The following PC variants were observed in gnomAD, a reference collection of about 807,000 sequenced individuals.
The protein encoded by PC is pyruvate carboxylase.
Under a neutral mutation model 107.8 loss-of-function variants are expected in PC, and 46 were observed. The ratio of observed to expected loss-of-function variants is 0.43; its 90% CI spans 0.34 to 0.55. The LOEUF (loss-of-function observed/expected upper bound fraction) is 0.55. PC is among the 20% of genes least tolerant of loss of function. PC has a pLI of 0.04. For missense variants in PC, 1,241 were observed against 1,643.1 expected, an observed-to-expected ratio of 0.76 and a Z score of 4.23; for synonymous variants, 662 against 684.7, an observed-to-expected ratio of 0.97 and a Z score of 0.52.
rs755125899 is a variant in PC at position 66,866,383 on chromosome 11, G to C, written c.1023-34C>G. On this transcript the variant is annotated intron_variant, in intron 10 of 22. Coordinates refer to ENST00000393960, the MANE Select transcript of PC (RefSeq NM_001040716.2). This position sits in a 1 kb window ranked among gnomAD's most constrained non-coding sequence, Gnocchi z 5.4. Reference sequence around the variant, plus strand: ...CATTGGGGGGAGGGGGGAAAGGACGGGAGAAAGGGGGAAACATGAGGCGGG... The same window carrying C: ...CATTGGGGGGAGGGGGGAAAGGACGCGAGAAAGGGGGAAACATGAGGCGGG... The C allele has an allele frequency of 6.5e-6, 10 of 1,541,124 alleles. No individual in the cohort carries two copies. The highest frequency in any genetic ancestry group is 8.9e-6 in the Non-Finnish European group (10 of 1,121,504).
chr11:66,860,824 C>T (rs549815933), intron 12 of PC, among the ~76,000 whole-genome samples: 64 of 152,300 alleles, frequency 4.2e-4, no homozygotes, highest in African/African-American at 8.9e-4. Context: ...GTCTGCGGGG[C>T]GGACACAGGA....
intron 3 of PC, among the ~76,000 whole-genome samples, chr11:66,908,591 G>A (rs533297584): frequency 6.6e-6 from 1 of 152,210 alleles, no homozygotes; most frequent in African/African-American, 2.4e-5. Flanking sequence ...ACCAGGCTGA[G>A]CTCTGACCAG....
At chr11:66,868,611 C>T (rs369914127) in intron 10 of PC, among the ~76,000 whole-genome samples, 23 of 152,326 alleles carry the variant, frequency 1.5e-4, no homozygotes, top group African/African-American at 5.3e-4. Flanking sequence ...AGCGTCCTGA[C>T]AGAGAGGAGG....
chr11:66,885,896 AC>A (rs545160671), intron 3 of PC, among the ~76,000 whole-genome samples: 33 of 152,338 alleles, frequency 2.2e-4, no homozygotes, highest in African/African-American at 7.9e-4. Context: ...CAGGTTGCCT[AC>A]AAATAACCAG....
intron 3 of PC, among the ~76,000 whole-genome samples, chr11:66,910,817 A>G (rs769166115): frequency 2.6e-5 from 4 of 152,214 alleles, no homozygotes; most frequent in Non-Finnish European, 4.4e-5. Flanking sequence ...ACAGTCTCAC[A>G]GTGTCCCAGA....
At chr11:66,913,662 CAA>C (rs11345088) in intron 3 of PC, among the ~76,000 whole-genome samples, 482 of 128,934 alleles carry the variant, frequency 3.7e-3, no homozygotes, top group Middle Eastern at 7.6e-3. Flanking sequence ...AACTCTGTCT[CAA>C]AAAAAAAAAA....
intron 3 of PC, among the ~76,000 whole-genome samples, chr11:66,902,174 TC>T (rs1271399179): frequency 6.6e-6 from 1 of 152,200 alleles, no homozygotes; most frequent in African/African-American, 2.4e-5. Flanking sequence ...CTGTTTTCTC[TC>T]CCTATTCGTG....
intron 3 of PC, among the ~76,000 whole-genome samples, chr11:66,931,133 C>G (rs1948836904): frequency 6.6e-6 from 1 of 152,082 alleles, no homozygotes. Context: ...CATCCCAGCA[C>G]TTTGGGAGGC....
At chr11:66,909,934 G>T (rs1305836961) in intron 3 of PC, among the ~76,000 whole-genome samples, 1 of 152,128 alleles carries the variant, frequency 6.6e-6, no homozygotes, top group Non-Finnish European at 1.5e-5. Context: ...GGACGCAGGG[G>T]CCTGACCACT....
Position 66,849,004 on chromosome 11 carries a change from C to T in PC, c.3432G>A (p.Lys1144=), listed in dbSNP as rs1212701604. The T allele has an allele frequency of 6.2e-7, 1 of 1,614,124 alleles. No homozygotes were observed. The highest frequency in any genetic ancestry group is 8.5e-7 in the Non-Finnish European group (1 of 1,180,044). ...TGGGTGAGGTCACCACAGTCTCCATCTTCATGGCACTGAGCACACACAGGG... is the reference window on the plus strand; with the variant it reads ...TGGGTGAGGTCACCACAGTCTCCATTTTCATGGCACTGAGCACACACAGGG... ...GQPLCVLSAM[K]METVVTSPME... The change falls in exon 23 of 23, where the codon AAG becomes AAA. Residue 1144 remains lysine, a synonymous_variant. Coordinates refer to ENST00000393960, the MANE Select transcript of PC (RefSeq NM_001040716.2).
intron 3 of PC, among the ~76,000 whole-genome samples, chr11:66,933,045 C>T (rs923383775): frequency 3.3e-5 from 5 of 152,204 alleles, no homozygotes; most frequent in African/African-American, 7.2e-5. Context: ...AACTCTAACA[C>T]CTACAAATAC....
In PC at chr11:66,850,925, TG is replaced by T. The variant is rs1292656088; in HGVS notation, c.2224-3del. 1 of 1,607,910 alleles carries T rather than the reference TG, an allele frequency of 6.2e-7. No individual in the cohort carries two copies. The highest frequency in any genetic ancestry group is 1.7e-5 in the Admixed American group (1 of 59,996). On this transcript the variant is annotated splice_polypyrimidine_tract_variant and splice_region_variant and intron_variant, in intron 17 of 22. Transcript: ENST00000393960. Reference sequence around the variant, plus strand: ...GGGCTTCAGCAGCCCGGCCATGTCCTGGGGGAAGTGGGAGAGAGAGAGAGAG... The same window carrying T: ...GGGCTTCAGCAGCCCGGCCATGTCCTGGGGAAGTGGGAGAGAGAGAGAGAG...
chr11:66,850,552 G>A, intron 18 of PC, 88 bp from the exon 19 acceptor site: 1 of 1,606,276 alleles, frequency 6.2e-7, no homozygotes, highest in Non-Finnish European at 8.5e-7. Flanking sequence ...GTCTGACTCA[G>A]GTGACAGAAG....
chr11:66,895,421 G>A (rs1947720428), intron 3 of PC, among the ~76,000 whole-genome samples: 1 of 152,178 alleles, frequency 6.6e-6, no homozygotes, highest in African/African-American at 2.4e-5. Context: ...ATTCAAAGAG[G>A]ATGGAGACCA....
intron 3 of PC, among the ~76,000 whole-genome samples, chr11:66,904,776 T>C (rs187418400): frequency 4.6e-5 from 7 of 152,338 alleles, no homozygotes; most frequent in African/African-American, 1.7e-4. Context: ...GCTGCTGTGA[T>C]TCTGTGGGAA....
chr11:66,939,100 C>G (rs1036274668), intron 3 of PC, among the ~76,000 whole-genome samples: 3 of 152,200 alleles, frequency 2.0e-5, no homozygotes, highest in African/African-American at 7.2e-5. Context: ...ACTATATGGT[C>G]AGCCCTCTGT....
intron 12 of PC, among the ~76,000 whole-genome samples, chr11:66,856,459 C>T (rs1025634741): frequency 6.6e-5 from 10 of 152,128 alleles, no homozygotes; most frequent in Admixed American, 1.3e-4. Flanking sequence ...CAAGCCCTCT[C>T]GGCCCCACCC....
In PC at chr11:66,848,982, G is replaced by T; in HGVS notation, c.3454C>A (p.Pro1152Thr). 1.2e-6 allele frequency: 2 copies of T among 1,614,096 alleles called. No individual in the cohort carries two copies. The highest frequency in any genetic ancestry group is 1.7e-6 in the Non-Finnish European group (2 of 1,180,046). Residue 1152 changes from proline (P) to threonine (T), a missense_variant, in exon 23 of 23, where the codon CCC (proline) becomes ACC (threonine). Physicochemically the swap from Pro to Thr is conservative, Grantham distance 38 (BLOSUM62 -1). Around this residue, in one of 2 missense-constraint regions of PC, gnomAD observed 98 missense variants for 91.2 expected, o/e 1.07. Transcript: ENST00000393960. ...AMKMETVVTS[P>T]MEGTVRKVHV... is the part of the protein sequence containing the mutation. ...ACCTTGCGGACAGTACCCTCCATGG[G>T]TGAGGTCACCACAGTCTCCATCTTC...
intron 3 of PC, among the ~76,000 whole-genome samples, chr11:66,948,193 C>G (rs1254807849): frequency 6.8e-6 from 1 of 146,164 alleles, no homozygotes; most frequent in Non-Finnish European, 1.5e-5. Context: ...GGTGACAGAG[C>G]AAGACTCTGT....
Sources: allele counts gnomAD v4.1 joint callset (sites outside exome capture counted in the v4.1 genomes callset), GRCh38; gene constraint gnomAD v4.1.1; regional missense constraint gnomAD v4.1.1; non-coding constraint Gnocchi (gnomAD v3.1); transcripts MANE v1.5; gene names NCBI Gene and HGNC (gene_info 2026-07-23, HGNC 2026-07-21).